RILPL2: variants seen among roughly 807,000 people sequenced by gnomAD.
RILPL2 encodes RILP-like protein 2.
Under a neutral mutation model 22.2 loss-of-function variants are expected in RILPL2, and 19 were observed. That is an observed-to-expected ratio of 0.86 (90% CI 0.60 to 1.25). RILPL2 has a LOEUF of 1.25. RILPL2 is among the 50% of genes most tolerant of loss of function. RILPL2 has a pLI of 0.00. For synonymous variants in RILPL2, 123 were observed against 111.6 expected, an observed-to-expected ratio of 1.10 and a Z score of -0.64; for missense variants, 243 against 263.6, an observed-to-expected ratio of 0.92 and a Z score of 0.54.
chr12:123,424,268 A>G (rs979146086), intron 2 of RILPL2, among the ~76,000 whole-genome samples: 20 of 152,324 alleles, frequency 1.3e-4, no homozygotes, highest in African/African-American at 4.6e-4. Context: ...AGAAGGAAAC[A>G]GTCAATAAAG....
intron 3 of RILPL2, among the ~76,000 whole-genome samples, chr12:123,420,802 G>A (rs1357298259): frequency 6.6e-6 from 1 of 152,104 alleles, no homozygotes; most frequent in Non-Finnish European, 1.5e-5. Flanking sequence ...CTGGAAAGGT[G>A]TTTTCCCTGC....
the RILPL2 span, among the ~76,000 whole-genome samples, chr12:123,409,714 C>CTTTT: frequency 3.1e-4 from 28 of 90,570 alleles, 3 homozygotes; most frequent in African/African-American, 1.2e-3. Flanking sequence ...CACACCTGGC[C>CTTTT]TTTTTTTTTT....
intron 1 of RILPL2, among the ~76,000 whole-genome samples, chr12:123,433,912 A>T (rs1879718052): frequency 6.6e-6 from 1 of 152,162 alleles, no homozygotes; most frequent in African/African-American, 2.4e-5. Flanking sequence ...TAGGACTAGC[A>T]TCTCTGAATT....
chr12:123,432,761 G>A (rs1467764208), intron 1 of RILPL2, among the ~76,000 whole-genome samples: 1 of 152,276 alleles, frequency 6.6e-6, no homozygotes, highest in East Asian at 1.9e-4. Flanking sequence ...TGCCCGGAGA[G>A]GGAGGCAAAA....
intron 3 of RILPL2, among the ~76,000 whole-genome samples, chr12:123,417,397 C>A (rs1318367213): frequency 6.6e-6 from 1 of 152,008 alleles, no homozygotes; most frequent in African/African-American, 2.4e-5. Flanking sequence ...GCTTTTTGTA[C>A]ATAAATACGG....
At chr12:123,412,858 C>T (rs1261162233), downstream of RILPL2, 1 of 152,146 alleles carries the variant, frequency 6.6e-6, no homozygotes. Flanking sequence ...GCATTTGCCT[C>T]CTGGGCAAGC....
intron 2 of RILPL2, among the ~76,000 whole-genome samples, chr12:123,428,486 A>G (rs1488019284): frequency 1.3e-5 from 2 of 152,200 alleles, no homozygotes; most frequent in African/African-American, 4.8e-5. Flanking sequence ...CACGGTTCCA[A>G]CCTCAGCAAA....
chr12:123,418,337 G>GT lies in RILPL2; in HGVS notation c.606-2417dup, dbSNP rs558405958. On this transcript the variant is annotated intron_variant, in intron 3 of 3. Coordinates refer to ENST00000280571, the MANE Select transcript of RILPL2 (RefSeq NM_145058.3). ...GGACTTCCCAACTCGATTTTCTTGTGTTTTTTTTCCCACTGCTGTGATAAA... is the reference window on the plus strand; with the variant it reads ...GGACTTCCCAACTCGATTTTCTTGTGTTTTTTTTTCCCACTGCTGTGATAAA... Among the ~76,000 whole-genome samples, 379 of 151,962 alleles carry GT rather than the reference G, an allele frequency of 2.5e-3. 2 individuals carry two copies. Among genetic ancestry groups the GT allele is most frequent in the African/African-American group, 8.5e-3 (352 of 41,418 alleles).
At chr12:123,435,547 TGGGTAAC>T (rs1879770480) in intron 1 of RILPL2, among the ~76,000 whole-genome samples, 1 of 152,032 alleles carries the variant, frequency 6.6e-6, no homozygotes, top group South Asian at 2.1e-4. Context: ...GAGACCAGCC[TGGGTAAC>T]GGTGAGACCC....
chr12:123,431,523 C>T (rs1879649189), intron 1 of RILPL2, among the ~76,000 whole-genome samples: 1 of 152,058 alleles, frequency 6.6e-6, no homozygotes, highest in Non-Finnish European at 1.5e-5. Context: ...GAACTGTACA[C>T]TTAAAAATAG....
downstream of RILPL2, chr12:123,414,546 C>T (rs28578344): frequency 0.019 from 2,919 of 152,734 alleles, 40 homozygotes; most frequent in Non-Finnish European, 0.03. Context: ...CTTGGCCAGC[C>T]CAGAAAGGGG....
rs1171498490 is a variant in RILPL2, at chr12:123,436,270, C to A, written c.151G>T (p.Glu51Ter). The A allele has an allele frequency of 2.5e-6, 4 of 1,609,220 alleles. No individual in the cohort carries two copies. In the East Asian group the frequency reaches 9.0e-5, roughly 36 times the overall value. Reference sequence around the variant, plus strand: ...GGGTCGCTGCCCAGGGCCATAAGCTCGCGGCCCAACAGGTAGGAGATGTCA... The same window carrying A: ...GGGTCGCTGCCCAGGGCCATAAGCTAGCGGCCCAACAGGTAGGAGATGTCA... Reference protein sequence around the residue: ...VYDISYLLGRELMALGSDPRV... With the variant: ...VYDISYLLGR Residue 51 changes from glutamate (E) to a stop codon, truncating the protein, a stop_gained, in exon 1 of 4, where the codon GAG becomes TAG. Coordinates refer to ENST00000280571, the MANE Select transcript of RILPL2 (RefSeq NM_145058.3). LOFTEE classifies it high-confidence loss of function. This position sits in a 1 kb window ranked among gnomAD's most constrained non-coding sequence, Gnocchi z 6.7.
intron 2 of RILPL2, among the ~76,000 whole-genome samples, chr12:123,430,295 G>C (rs1013529564): frequency 1.3e-5 from 2 of 151,630 alleles, no homozygotes; most frequent in Non-Finnish European, 2.9e-5. Context: ...TGTAGTCCCA[G>C]CTACTCGGGA....
In RILPL2 at chr12:123,436,088, G is replaced by A. The variant is rs747572534; in HGVS notation, c.333C>T (p.Ser111=). 5.7e-6 allele frequency: 9 copies of A among 1,571,644 alleles called. No homozygotes were observed. The South Asian group carries it at 8.1e-5, about 14-fold the overall frequency. The change falls in exon 1 of 4, where the codon AGC becomes AGT. Residue 111 remains serine, a synonymous_variant. Coordinates refer to ENST00000280571, the MANE Select transcript of RILPL2 (RefSeq NM_145058.3). The surrounding 1 kb of genome is among the most constrained non-coding windows in gnomAD (Gnocchi z 6.7). ...CCCTCGCTCCCACACTCACCTCCCCGCTGGCCGGAGGGCTCTGTCTCCGCA... is the reference window on the plus strand; with the variant it reads ...CCCTCGCTCCCACACTCACCTCCCCACTGGCCGGAGGGCTCTGTCTCCGCA... ...EGLRRQSPPA[S]GEVNLGPNKM... is the part of the protein sequence containing the mutation.
In RILPL2 at chr12:123,436,479, A is replaced by G; in HGVS notation, c.-59T>C. On this transcript the variant is annotated 5_prime_UTR_variant, in exon 1 of 4. Coordinates refer to ENST00000280571, the MANE Select transcript of RILPL2 (RefSeq NM_145058.3). The surrounding 1 kb of genome is among the most constrained non-coding windows in gnomAD (Gnocchi z 6.7). ...TGTCTTGGAGTCTCCCAAAGGTTAG[A>G]CTTCCTCCCGGCACCCAAAACTTTC... The G allele has an allele frequency of 6.6e-7, 1 of 1,508,356 alleles. No individual in the cohort carries two copies. The highest frequency in any genetic ancestry group is 8.8e-7 in the Non-Finnish European group (1 of 1,130,168). The allele number at this position is 1,508,356 out of a possible 1,614,324, so 93.4% of individuals were successfully genotyped here.
At position 123,415,730 on chromosome 12, in the gene RILPL2, A is replaced by T. The variant is rs866705652; in HGVS notation, c.*161T>A. 1.3e-6 allele frequency: 1 copy of T among 754,304 alleles called. No homozygotes were observed. Among genetic ancestry groups the T allele is most frequent in the Middle Eastern group, 2.5e-4 (1 of 3,998 alleles). 46.7% of individuals were successfully genotyped at this position (754,304 alleles called of 1,614,324 possible). On this transcript the variant is annotated 3_prime_UTR_variant, in exon 4 of 4. Transcript: ENST00000280571. ...TAGTTCTGCAGCCAGGGAGAAAGTG[A>T]TGCCAAGAGAACCTCGTCTCCTCCC...
chr12:123,425,291 C>T (rs904612864), intron 2 of RILPL2, among the ~76,000 whole-genome samples: 3 of 152,100 alleles, frequency 2.0e-5, no homozygotes, highest in Non-Finnish European at 2.9e-5. Context: ...ATTCTCCTGC[C>T]TCAGCCTCCC....
chr12:123,425,785 G>A (rs1879428301), intron 2 of RILPL2, among the ~76,000 whole-genome samples: 1 of 151,884 alleles, frequency 6.6e-6, no homozygotes, highest in Non-Finnish European at 1.5e-5. Flanking sequence ...GAGTAGCTGG[G>A]ATTACAGGTG....
downstream of RILPL2, chr12:123,411,552 C>CTTTTTTTT (rs557553934): frequency 1.2e-5 from 1 of 86,214 alleles, no homozygotes. Context: ...GCTTGAAAAC[C>CTTTTTTTT]TTTTTTTTTT....
Sources: allele counts gnomAD v4.1 joint callset (sites outside exome capture counted in the v4.1 genomes callset), GRCh38; gene constraint gnomAD v4.1.1; non-coding constraint Gnocchi (gnomAD v3.1); transcripts MANE v1.5; gene names NCBI Gene and HGNC (gene_info 2026-07-23, HGNC 2026-07-21).